Variants in SLC39A12 observed in about 807,000 individuals in gnomAD.
SLC39A12 encodes solute carrier family 39 member 12, also known as zinc transporter ZIP12.
Under a neutral mutation model 71.1 loss-of-function variants are expected in SLC39A12, and 63 were observed. The observed-to-expected ratio is 0.89, with a 90% CI of 0.72 to 1.09. The LOEUF is 1.09. Among genes scored for constraint, SLC39A12 ranks in the 50% least tolerant of loss-of-function variants. SLC39A12 has a pLI of 0.00. For synonymous variants in SLC39A12, 351 were observed against 301.3 expected (o/e 1.16, Z -1.71); for missense variants, 892 against 812.6 (o/e 1.10, Z -1.19).
intron 12 of SLC39A12, among the ~76,000 whole-genome samples, chr10:18,036,009 A>G (rs1404673135): frequency 6.6e-5 from 10 of 152,292 alleles, no homozygotes; most frequent in African/African-American, 2.4e-4. Flanking sequence ...GCCGGTTCTC[A>G]GATCTCCAGC....
At chr10:18,041,291 C>T (rs1010267943) in intron 12 of SLC39A12, among the ~76,000 whole-genome samples, 1 of 151,616 alleles carries the variant, frequency 6.6e-6, no homozygotes, top group Non-Finnish European at 1.5e-5. Flanking sequence ...AAAATATAGC[C>T]ACAGGACAGC....
chr10:18,021,726 G>A (rs1439792021), intron 12 of SLC39A12, among the ~76,000 whole-genome samples: 1 of 152,120 alleles, frequency 6.6e-6, no homozygotes, highest in East Asian at 1.9e-4. Context: ...AGTAGTCTAT[G>A]TACTTGAGTG....
At chr10:17,967,590 A>G (rs1396233411) in intron 4 of SLC39A12, among the ~76,000 whole-genome samples, 1 of 152,092 alleles carries the variant, frequency 6.6e-6, no homozygotes, top group Non-Finnish European at 1.5e-5. Context: ...TTTTAAAAAT[A>G]TTTATTTCCC....
intron 2 of SLC39A12, among the ~76,000 whole-genome samples, 179 bp from the exon 3 acceptor site, chr10:17,961,402 C>T (rs1834684800): frequency 6.6e-6 from 1 of 152,122 alleles, no homozygotes; most frequent in Non-Finnish European, 1.5e-5. Flanking sequence ...AAGGGGTTCC[C>T]TAGACAGGCA....
chr10:18,021,083 TG>T (rs1836520734), intron 12 of SLC39A12, among the ~76,000 whole-genome samples: 1 of 152,102 alleles, frequency 6.6e-6, no homozygotes, highest in African/African-American at 2.4e-5. Flanking sequence ...GGTTTTCTTC[TG>T]GAGTTTTTGT....
intron 12 of SLC39A12, among the ~76,000 whole-genome samples, chr10:18,025,784 G>A (rs1836661903): frequency 1.3e-5 from 2 of 152,140 alleles, no homozygotes; most frequent in African/African-American, 4.8e-5. Flanking sequence ...TGTATTTCTA[G>A]TTCTAGCTCC....
At chr10:17,995,798 A>T in intron 10 of SLC39A12, 76 bp downstream of exon 10, 3 of 1,310,330 alleles carry the variant, frequency 2.3e-6, no homozygotes, top group Non-Finnish European at 1.1e-6. Flanking sequence ...ATAAAATGTC[A>T]AAACTATATA....
At chr10:17,964,605 T>G (rs1834774466) in intron 3 of SLC39A12, among the ~76,000 whole-genome samples, 1 of 152,170 alleles carries the variant, frequency 6.6e-6, no homozygotes, top group Non-Finnish European at 1.5e-5. Flanking sequence ...ATAATTTAAT[T>G]GAGGAAAATT....
At chr10:18,015,954 C>G (rs189713857) in intron 12 of SLC39A12, among the ~76,000 whole-genome samples, 67 of 152,102 alleles carry the variant, frequency 4.4e-4, no homozygotes, top group Admixed American at 3.3e-4. Flanking sequence ...CCATAAGTCC[C>G]CTGTCCCCAC....
At chr10:18,009,583 T>C (rs996536780) in intron 12 of SLC39A12, 1 of 152,238 alleles carries the variant, frequency 6.6e-6, no homozygotes, top group Non-Finnish European at 1.5e-5. Context: ...TTCAACCTTA[T>C]TTTACTTATC....
At chr10:17,983,783 AAAAAC>A (rs1308648182) in intron 6 of SLC39A12, among the ~76,000 whole-genome samples, 2 of 152,200 alleles carry the variant, frequency 1.3e-5, no homozygotes, top group Non-Finnish European at 2.9e-5. Context: ...CTCCATCTCA[AAAAAC>A]AAAACAAAAC....
chr10:17,976,580 G>A (rs566397402), intron 4 of SLC39A12, among the ~76,000 whole-genome samples: 35 of 151,584 alleles, frequency 2.3e-4, no homozygotes, highest in African/African-American at 8.5e-4. Flanking sequence ...ACCACGCCTG[G>A]CTAATTTTTA....
intron 7 of SLC39A12, among the ~76,000 whole-genome samples, chr10:17,989,424 T>A (rs1231994401): frequency 6.6e-6 from 1 of 152,216 alleles, no homozygotes; most frequent in Non-Finnish European, 1.5e-5. Context: ...TTTTTCTAGG[T>A]CACAGCAGCG....
rs1835430099 is a variant in SLC39A12, at chr10:17,987,527, T to G, written c.1145T>G (p.Met382Arg). The G allele has an allele frequency of 6.2e-7, 1 of 1,613,958 alleles. No individual in the cohort carries two copies. The highest frequency in any genetic ancestry group is 1.3e-5 in the African/African-American group (1 of 74,910). ...GTCACCCTTCTCACACTGGGCTCCA[T>G]GCTGGGGACAGCGCTGGTCCTTTTC... Reference protein sequence around the residue: ...VAVTLLTLGSMLGTALVLFHS... With the variant: ...VAVTLLTLGSRLGTALVLFHS... The change falls in exon 7 of 13, where the codon ATG (methionine) becomes AGG (arginine). Residue 382 changes from methionine (M) to arginine (R), a missense_variant. Met to Arg is a moderately conservative substitution (Grantham distance 91). Coordinates refer to ENST00000377369, the MANE Select transcript of SLC39A12 (RefSeq NM_001145195.2).
intron 6 of SLC39A12, among the ~76,000 whole-genome samples, chr10:17,982,206 C>G (rs924880745): frequency 7.2e-5 from 11 of 152,156 alleles, no homozygotes; most frequent in African/African-American, 2.7e-4. Flanking sequence ...TTACAGTTAC[C>G]TGTATCCCAC....
chr10:17,980,783 A>G (rs187444724), intron 5 of SLC39A12, among the ~76,000 whole-genome samples: 34 of 152,224 alleles, frequency 2.2e-4, no homozygotes, highest in African/African-American at 4.8e-5. Context: ...ATCATTTGGT[A>G]TTTACACAGC....
At chr10:18,018,334 G>A (rs750846631) in intron 12 of SLC39A12, among the ~76,000 whole-genome samples, 7 of 151,982 alleles carry the variant, frequency 4.6e-5, no homozygotes, top group African/African-American at 9.7e-5. Context: ...GAACAAAGGC[G>A]GTCTTATTTC....
intron 12 of SLC39A12, among the ~76,000 whole-genome samples, chr10:18,040,664 G>T (rs1324826757): frequency 1.3e-5 from 2 of 151,712 alleles, no homozygotes; most frequent in African/African-American, 4.8e-5. Flanking sequence ...AGCTACTCGG[G>T]AGGCTGAGGT....
chr10:18,039,302 T>A (rs570683477), intron 12 of SLC39A12, among the ~76,000 whole-genome samples: 172 of 152,338 alleles, frequency 1.1e-3, no homozygotes, highest in African/African-American at 3.9e-3. Flanking sequence ...AGCCTGTAAA[T>A]GACCACAGAT....
Sources: allele counts gnomAD v4.1 joint callset (sites outside exome capture counted in the v4.1 genomes callset), GRCh38; gene constraint gnomAD v4.1.1; transcripts MANE v1.5; gene names NCBI Gene and HGNC (gene_info 2026-07-23, HGNC 2026-07-21).